Variants in NPAS3 observed in about 807,000 individuals in gnomAD.
The protein encoded by NPAS3 is neuronal PAS domain-containing protein 3.
Under a neutral mutation model 73.1 loss-of-function variants are expected in NPAS3, and 14 were observed. The observed-to-expected ratio is 0.19, with a 90% confidence interval of 0.13 to 0.30. NPAS3 has a LOEUF of 0.30. Among genes scored for constraint, NPAS3 ranks in the 10% least tolerant of loss-of-function variants. The pLI, the probability that NPAS3 is intolerant of heterozygous loss-of-function variation, is 1.00. For missense variants in NPAS3, 1,096 were observed against 1,250.0 expected, an observed-to-expected ratio of 0.88 and a Z score of 1.86; for synonymous variants, 620 against 541.5, an observed-to-expected ratio of 1.14 and a Z score of -2.01.
chr14:33,444,280 C>T (rs2049384884), intron 4 of NPAS3, among the ~76,000 whole-genome samples: 1 of 152,158 alleles, frequency 6.6e-6, no homozygotes, highest in Non-Finnish European at 1.5e-5. Flanking sequence ...GTCTATACCT[C>T]CTCCATGTTC....
At chr14:33,674,749 C>A (rs1013355032) in intron 5 of NPAS3, among the ~76,000 whole-genome samples, 1 of 152,218 alleles carries the variant, frequency 6.6e-6, no homozygotes, top group African/African-American at 2.4e-5. Context: ...GAGCCTTTTT[C>A]AGGAATAGCT....
intron 6 of NPAS3, among the ~76,000 whole-genome samples, chr14:33,684,459 A>C (rs2060031796): frequency 1.3e-5 from 2 of 151,938 alleles, no homozygotes; most frequent in South Asian, 4.2e-4. Context: ...CTCTAGGTGC[A>C]CACCACCACA....
chr14:33,406,175 G>A (rs761759020), intron 4 of NPAS3, among the ~76,000 whole-genome samples: 2 of 152,174 alleles, frequency 1.3e-5, no homozygotes, highest in African/African-American at 2.4e-5. Flanking sequence ...AACAACTATA[G>A]CATAATTGTT....
At chr14:33,507,565 C>G (rs1478369874) in intron 4 of NPAS3, among the ~76,000 whole-genome samples, 1 of 151,904 alleles carries the variant, frequency 6.6e-6, no homozygotes, top group African/African-American at 2.4e-5. Context: ...TATTATATAA[C>G]TAGTAGAAAG....
intron 1 of NPAS3, among the ~76,000 whole-genome samples, chr14:32,944,672 A>G (rs896381497): frequency 2.6e-5 from 4 of 152,220 alleles, no homozygotes; most frequent in African/African-American, 9.6e-5. Flanking sequence ...AGTTTGATAG[A>G]ATAGTTAGAA....
Position 33,603,470 on chromosome 14 carries a change from T to C in NPAS3, c.558+43260T>C, listed in dbSNP as rs570233565. Among the ~76,000 whole-genome samples, 3 of 152,152 alleles carry C rather than the reference T, an allele frequency of 2.0e-5. No homozygotes were observed. In the East Asian group the frequency reaches 5.8e-4, roughly 29 times the overall value. On this transcript the variant is annotated intron_variant, in intron 5 of 11. Transcript: ENST00000356141. The stretch of plus-strand genomic sequence containing the variant: ...AAATTGGATTAGAACTACAAACCTA[T>C]AAATTCAAGAAGCTCAGTGAGCCCC...
At chr14:33,641,111 G>A (rs993434618) in intron 5 of NPAS3, among the ~76,000 whole-genome samples, 2 of 152,120 alleles carry the variant, frequency 1.3e-5, no homozygotes, top group Non-Finnish European at 2.9e-5. Flanking sequence ...ATTTTTAAAT[G>A]ACCATCTCAT....
chr14:33,019,374 T>G (rs967508222), intron 1 of NPAS3, among the ~76,000 whole-genome samples: 6 of 152,258 alleles, frequency 3.9e-5, no homozygotes, highest in African/African-American at 9.6e-5. Context: ...CCCCTCATAA[T>G]GCTGTCATTA....
intron 1 of NPAS3, among the ~76,000 whole-genome samples, chr14:33,008,593 G>A (rs2039081776): frequency 6.6e-6 from 1 of 152,148 alleles, no homozygotes; most frequent in Non-Finnish European, 1.5e-5. Context: ...ATTCTGAAGA[G>A]TATAAAGAAT....
intron 5 of NPAS3, among the ~76,000 whole-genome samples, chr14:33,643,375 T>TGAAAAAAAAAAAAAAA (rs1555427000): frequency 1.1e-5 from 1 of 94,666 alleles, no homozygotes; most frequent in Non-Finnish European, 2.0e-5. Context: ...AAATAAAAAT[T>TGAAAAAAAAAAAAAAA]AAAAAAAAAA....
rs746722076 is a variant in NPAS3, at chr14:33,428,462, A to G, written c.468+61194A>G. On this transcript the variant is annotated intron_variant, in intron 4 of 11. Coordinates refer to ENST00000356141, the Ensembl canonical transcript of NPAS3. ...TATAGATGTATATAAATCCATACCT[A>G]TGTTTGCTGGTTCTAAATTCAAATA... 8.5e-4 allele frequency among the ~76,000 whole-genome samples: 130 copies of G among 152,254 alleles called. 1 individual carries two copies. The highest frequency in any genetic ancestry group is 1.5e-3 in the Non-Finnish European group (102 of 68,004).
intron 2 of NPAS3, among the ~76,000 whole-genome samples, chr14:33,091,794 G>A (rs146473747): frequency 4.1e-4 from 62 of 152,108 alleles, no homozygotes; most frequent in East Asian, 2.1e-3. Flanking sequence ...GGCTTCATCC[G>A]TGGGATTCAA....
intron 3 of NPAS3, among the ~76,000 whole-genome samples, chr14:33,304,650 A>C (rs1190182008): frequency 6.6e-6 from 1 of 152,112 alleles, no homozygotes; most frequent in Non-Finnish European, 1.5e-5. Flanking sequence ...TTCAGAAAAA[A>C]TATTGGTACT....
chr14:32,998,349 A>G (rs75397267), intron 1 of NPAS3, among the ~76,000 whole-genome samples: 10,656 of 152,262 alleles, frequency 0.07, 431 homozygotes, highest in Middle Eastern at 0.16. Flanking sequence ...CAGAACACAT[A>G]TTGGTGGTTA....
chr14:33,410,000 C>T (rs1424993304), intron 4 of NPAS3, among the ~76,000 whole-genome samples: 1 of 152,058 alleles, frequency 6.6e-6, no homozygotes, highest in African/African-American at 2.4e-5. Flanking sequence ...TACTCTTCTG[C>T]CCTCTTTGTA....
At chr14:33,136,221 C>T (rs576101865) in intron 2 of NPAS3, among the ~76,000 whole-genome samples, 1 of 151,916 alleles carries the variant, frequency 6.6e-6, no homozygotes, top group South Asian at 2.1e-4. Flanking sequence ...CCACCACGCC[C>T]AGCTAATTTT....
intron 11 of NPAS3, among the ~76,000 whole-genome samples, chr14:33,798,499 G>A (rs1229169520): frequency 2.6e-5 from 4 of 152,086 alleles, no homozygotes; most frequent in Non-Finnish European, 5.9e-5. Flanking sequence ...ATGTTCAGAC[G>A]CTGTGTTACT....
At chr14:33,070,122 G>A (rs1234194008) in intron 2 of NPAS3, among the ~76,000 whole-genome samples, 3 of 152,104 alleles carry the variant, frequency 2.0e-5, no homozygotes, top group Admixed American at 2.0e-4. Context: ...TAATTTTCAG[G>A]ATAGATATGA....
At chr14:33,231,407 T>G (rs1222652749) in intron 3 of NPAS3, among the ~76,000 whole-genome samples, 1 of 152,222 alleles carries the variant, frequency 6.6e-6, no homozygotes, top group Non-Finnish European at 1.5e-5. Context: ...TGATTTGTAT[T>G]TAATAGCTAT....
Sources: allele counts gnomAD v4.1 joint callset (sites outside exome capture counted in the v4.1 genomes callset), GRCh38; gene constraint gnomAD v4.1.1; transcripts MANE v1.5; gene names NCBI Gene and HGNC (gene_info 2026-07-23, HGNC 2026-07-21).